Variants in PPP1R37 observed in about 807,000 individuals in gnomAD.
PPP1R37 encodes leucine rich repeat containing 68.
In PPP1R37, 21 loss-of-function variants were observed where a neutral mutation model predicts 61.0. The ratio of observed to expected loss-of-function variants is 0.34; its 90% CI spans 0.24 to 0.50. PPP1R37 has a LOEUF of 0.50. Among genes scored for constraint, PPP1R37 ranks in the 20% least tolerant of loss-of-function variants. The pLI, the probability that PPP1R37 is intolerant of heterozygous loss-of-function variation, is 0.98. For synonymous variants in PPP1R37, 443 were observed against 433.5 expected (o/e 1.02, Z -0.27); for missense variants, 910 against 952.7 (o/e 0.96, Z 0.59).
At position 45,140,222 on chromosome 19, in the gene PPP1R37, C is replaced by G. The variant is rs1231148756; in HGVS notation, c.301-14C>G. 1.3e-6 allele frequency: 2 copies of G among 1,535,538 alleles called. No individual in the cohort carries two copies. Among genetic ancestry groups the G allele is most frequent in the East Asian group, 4.9e-5 (2 of 40,914 alleles). ...CAAGTGTCTTCCTGCCTTAACCCCA[C>G]TCTACTTTCTCAGGAATTCACAGAC... On this transcript the variant is annotated splice_polypyrimidine_tract_variant and intron_variant, in intron 2 of 12. Transcript: ENST00000221462.
intron 1 of PPP1R37, among the ~76,000 whole-genome samples, chr19:45,102,323 A>G (rs1225223347): frequency 6.6e-6 from 1 of 152,168 alleles, no homozygotes; most frequent in Non-Finnish European, 1.5e-5. Flanking sequence ...GCCTCGTTCC[A>G]TGTTTGTGAA....
Position 45,145,823 on chromosome 19 carries a change from T to TCCCCCCCCCCCC in PPP1R37, c.1770_1771insCCCCCCCCCCCC (p.Pro590_Ser591insProProProPro). 4.1e-6 allele frequency: 1 copy of TCCCCCCCCCCCC among 243,358 alleles called. No individual in the cohort carries two copies. Among genetic ancestry groups the TCCCCCCCCCCCC allele is most frequent in the Non-Finnish European group, 5.8e-6 (1 of 171,018 alleles). The allele number at this position is 243,358 out of a possible 1,614,324, so 15.1% of individuals were successfully genotyped here. ...CAGAGCCCCCTGCGTCCCCCACCCC[T>TCCCCCCCCCCCC]CCCTCTCCCCCACCCCCTCCCTCCC... On this transcript the variant is annotated inframe_insertion, in exon 11 of 13. Coordinates refer to ENST00000221462, the MANE Select transcript of PPP1R37 (RefSeq NM_019121.2).
intron 8 of PPP1R37, chr19:45,143,996 C>T (rs992246114): frequency 7.3e-5 from 12 of 163,838 alleles, no homozygotes; most frequent in East Asian, 1.7e-4. Flanking sequence ...CCCGCCACCC[C>T]GCCTAGCCAA....
intron 11 of PPP1R37, 63 bp downstream of exon 11, chr19:45,146,112 C>T: frequency 7.0e-7 from 1 of 1,427,228 alleles, no homozygotes. Flanking sequence ...CCCAGGCAAG[C>T]CCCTGCCTGT....
At chr19:45,104,963 G>T (rs1026666031) in intron 1 of PPP1R37, among the ~76,000 whole-genome samples, 1 of 152,202 alleles carries the variant, frequency 6.6e-6, no homozygotes, top group Non-Finnish European at 1.5e-5. Flanking sequence ...TCCCCGTCAG[G>T]TGGCCAGCGA....
chr19:45,096,434 A>C (rs1322421940), intron 1 of PPP1R37, among the ~76,000 whole-genome samples: 1 of 152,220 alleles, frequency 6.6e-6, no homozygotes, highest in African/African-American at 2.4e-5. Flanking sequence ...CTTTCTCTGC[A>C]AATGGAGGTG....
chr19:45,120,239 G>A (rs556544447), intron 1 of PPP1R37, among the ~76,000 whole-genome samples: 2 of 151,956 alleles, frequency 1.3e-5, no homozygotes, highest in African/African-American at 4.8e-5. Context: ...GGATGGTCTC[G>A]ATCTCCTGAC....
intron 1 of PPP1R37, among the ~76,000 whole-genome samples, chr19:45,106,231 G>GTTTTGT (rs896132344): frequency 3.3e-5 from 5 of 151,972 alleles, no homozygotes; most frequent in South Asian, 2.1e-4. Context: ...CCCTCCAGCT[G>GTTTTGT]TTTTGTTTTT....
chr19:45,145,054 G>T (rs1440019947), intron 9 of PPP1R37, 40 bp from the exon 10 acceptor site: 6 of 1,523,134 alleles, frequency 3.9e-6, no homozygotes, highest in South Asian at 1.2e-5. Flanking sequence ...CGGCCAGCCG[G>T]GTGTGGGGCC....
chr19:45,100,196 T>C (rs1372810152), intron 1 of PPP1R37: 1 of 152,238 alleles, frequency 6.6e-6, no homozygotes, highest in Non-Finnish European at 1.5e-5. Flanking sequence ...CCGCCATCCA[T>C]CACTCAGTCC....
rs779500312 is a variant in PPP1R37, at chr19:45,121,997, C to T, written c.203-16517C>T. On this transcript the variant is annotated intron_variant, in intron 1 of 12. Transcript: ENST00000221462. The surrounding 1 kb of genome is among the most constrained non-coding windows in gnomAD (Gnocchi z 4.2). ...GGATAGAGACGTGCAGCAGCACATC[C>T]GCAGAGGTAGCGAGGCCTTGGGGGT... Among the ~76,000 whole-genome samples the T allele has an allele frequency of 7.4e-4, 113 of 152,258 alleles. 2 individuals carry two copies. The highest frequency in any genetic ancestry group is 2.1e-3 in the Admixed American group (32 of 15,300).
intron 1 of PPP1R37, among the ~76,000 whole-genome samples, chr19:45,124,812 A>G (rs1968382338): frequency 6.6e-6 from 1 of 151,086 alleles, no homozygotes; most frequent in African/African-American, 2.4e-5. Flanking sequence ...AAAAAGAAAA[A>G]AAAAAAAAAC....
chr19:45,111,964 T>G (rs1338003326), intron 1 of PPP1R37, among the ~76,000 whole-genome samples: 1 of 152,018 alleles, frequency 6.6e-6, no homozygotes, highest in Non-Finnish European at 1.5e-5. Flanking sequence ...TTGGTTTTTC[T>G]TTTCTTTCTT....
At chr19:45,134,914 A>G (rs760263089) in intron 1 of PPP1R37, among the ~76,000 whole-genome samples, 1 of 152,012 alleles carries the variant, frequency 6.6e-6, no homozygotes. Flanking sequence ...CAGCCTAGAA[A>G]CTGGGCCTCA....
intron 1 of PPP1R37, among the ~76,000 whole-genome samples, chr19:45,118,500 G>C (rs1383822280): frequency 8.0e-6 from 1 of 125,232 alleles, no homozygotes; most frequent in Non-Finnish European, 1.8e-5. Context: ...GTCTTGGGTT[G>C]GGGGTCCCGG....
chr19:45,104,346 T>A (rs1438404240), intron 1 of PPP1R37, among the ~76,000 whole-genome samples: 1 of 152,076 alleles, frequency 6.6e-6, no homozygotes, highest in African/African-American at 2.4e-5. Flanking sequence ...CCAGGAACCT[T>A]AAGGACTCCG....
At chr19:45,113,767 C>T (rs1045845356) in intron 1 of PPP1R37, among the ~76,000 whole-genome samples, 1 of 152,224 alleles carries the variant, frequency 6.6e-6, no homozygotes, top group Non-Finnish European at 1.5e-5. Context: ...TTCTCTCCGC[C>T]CCCTCACCAC....
Position 45,146,571 on chromosome 19 carries a change from T to G in PPP1R37, c.*9T>G. On this transcript the variant is annotated splice_region_variant and 3_prime_UTR_variant, in exon 13 of 13. Transcript: ENST00000221462. ...TCTCCCCCAATCTCTCCTCCCCAAGTTCCCTTTTTCCGGTCGGTCTGCGAT... is the reference window on the plus strand; with the variant it reads ...TCTCCCCCAATCTCTCCTCCCCAAGGTCCCTTTTTCCGGTCGGTCTGCGAT... 3.3e-6 allele frequency: 3 copies of G among 916,798 alleles called. No individual in the cohort carries two copies. Among genetic ancestry groups the G allele is most frequent in the Non-Finnish European group, 5.0e-6 (3 of 604,108 alleles). 56.8% of individuals were successfully genotyped at this position (916,798 alleles called of 1,614,324 possible). A position where few individuals can be genotyped will look rare whatever the true frequency, so the allele number is the denominator to read the frequency against.
At chr19:45,128,420 GTGA>G in intron 1 of PPP1R37, 1 of 480,806 alleles carries the variant, frequency 2.1e-6, no homozygotes, top group Middle Eastern at 6.2e-4. Context: ...GCAAAATATT[GTGA>G]TGCCTGCAGC....
Sources: gnomAD v4.1 joint callset for allele counts (sites outside exome capture counted in the v4.1 genomes callset) on GRCh38, gnomAD v4.1.1 for gene constraint, Gnocchi (gnomAD v3.1) non-coding constraint, MANE v1.5 for transcripts, NCBI Gene and HGNC (gene_info 2026-07-23, HGNC 2026-07-21) for gene names.